Variants in DAPK1 observed in about 807,000 individuals in gnomAD.
The protein encoded by DAPK1 is death-associated protein kinase 1.
In DAPK1, 56 loss-of-function variants were observed where a neutral mutation model predicts 144.9. That is an observed-to-expected ratio of 0.39 (90% CI 0.31 to 0.48). The LOEUF (loss-of-function observed/expected upper bound fraction) is 0.48, where lower values mean the gene tolerates loss of function less well. Ranked by LOEUF, DAPK1 falls within the 20% of genes least tolerant of loss-of-function variation. DAPK1 has a pLI of 0.95. For missense variants in DAPK1, 1,454 were observed against 1,875.4 expected, an observed-to-expected ratio of 0.78 and a Z score of 4.15; for synonymous variants, 690 against 749.0, an observed-to-expected ratio of 0.92 and a Z score of 1.29.
intron 2 of DAPK1, chr9:87,554,505 C>T (rs1346229710): frequency 5.9e-5 from 9 of 152,068 alleles, no homozygotes; most frequent in Non-Finnish European, 1.0e-4. Flanking sequence ...TTTTTACCTC[C>T]GGACATAACA....
chr9:87,517,637 T>G (rs1331096629), intron 2 of DAPK1, among the ~76,000 whole-genome samples: 1 of 152,208 alleles, frequency 6.6e-6, no homozygotes, highest in African/African-American at 2.4e-5. Context: ...AAAGGTAAAC[T>G]GAGGAATTGC....
chr9:87,577,082 A>G (rs895140764), intron 2 of DAPK1, among the ~76,000 whole-genome samples: 1 of 152,162 alleles, frequency 6.6e-6, no homozygotes, highest in Non-Finnish European at 1.5e-5. Context: ...GGAAGAGATA[A>G]TATTCTGGTT....
intron 2 of DAPK1, among the ~76,000 whole-genome samples, chr9:87,527,289 G>A (rs1458859684): frequency 6.6e-6 from 1 of 152,196 alleles, no homozygotes; most frequent in East Asian, 1.9e-4. Flanking sequence ...CAGATCTTCT[G>A]CGCTAGGTTG....
chr9:87,667,562 T>A (rs1022494369), intron 18 of DAPK1, among the ~76,000 whole-genome samples: 1 of 152,194 alleles, frequency 6.6e-6, no homozygotes, highest in Non-Finnish European at 1.5e-5. Flanking sequence ...AGTGTCTGAA[T>A]GGGACCCCAG....
chr9:87,605,917 C>T (rs952849239), intron 3 of DAPK1, among the ~76,000 whole-genome samples: 2 of 152,148 alleles, frequency 1.3e-5, no homozygotes, highest in East Asian at 3.9e-4. Flanking sequence ...CAGCTTGGGG[C>T]GCACATCTGC....
intron 18 of DAPK1, among the ~76,000 whole-genome samples, chr9:87,662,825 T>C (rs1023209205): frequency 6.6e-6 from 1 of 152,034 alleles, no homozygotes; most frequent in Admixed American, 6.5e-5. Flanking sequence ...TCCTCTTGCC[T>C]AGTTGATCTG....
chr9:87,631,899 C>T lies in DAPK1; in HGVS notation c.285-6044C>T, dbSNP rs550618733. ...CATTTAGTTTCAATTATTTTAATTA[C>T]TGAAGATTTTATAAGCAGAGTTCAT... On this transcript the variant is annotated intron_variant, in intron 3 of 25. Transcript: ENST00000408954. Among the ~76,000 whole-genome samples, 8 of 152,220 alleles carry T rather than the reference C, an allele frequency of 5.3e-5. 1 individual carries two copies. Among genetic ancestry groups the T allele is most frequent in the African/African-American group, 1.7e-4 (7 of 41,514 alleles).
intron 2 of DAPK1, among the ~76,000 whole-genome samples, chr9:87,503,265 A>G (rs1022132933): frequency 1.2e-4 from 18 of 149,344 alleles, no homozygotes; most frequent in South Asian, 4.2e-4. Context: ...GTGTATATGT[A>G]TATATATATA....
At chr9:87,581,621 TC>T (rs942586105) in intron 2 of DAPK1, among the ~76,000 whole-genome samples, 2 of 152,112 alleles carry the variant, frequency 1.3e-5, no homozygotes, top group African/African-American at 4.8e-5. Flanking sequence ...ATCTGATTCT[TC>T]CCCCCTAACT....
intron 2 of DAPK1, among the ~76,000 whole-genome samples, chr9:87,550,643 A>G (rs964819037): frequency 6.6e-6 from 1 of 152,234 alleles, no homozygotes; most frequent in Non-Finnish European, 1.5e-5. Flanking sequence ...TACAATGACC[A>G]TATTTCCAAA....
At chr9:87,586,203 A>G (rs887664490) in intron 2 of DAPK1, among the ~76,000 whole-genome samples, 1 of 152,142 alleles carries the variant, frequency 6.6e-6, no homozygotes, top group African/African-American at 2.4e-5. Context: ...TGGGAGGATT[A>G]CTTGAGCCCA....
At chr9:87,521,914 T>C (rs946026554) in intron 2 of DAPK1, among the ~76,000 whole-genome samples, 1 of 152,194 alleles carries the variant, frequency 6.6e-6, no homozygotes, top group African/African-American at 2.4e-5. Context: ...GCTAATGGAT[T>C]AATGCGTTAT....
At chr9:87,635,201 A>G (rs1829848218) in intron 3 of DAPK1, among the ~76,000 whole-genome samples, 1 of 152,204 alleles carries the variant, frequency 6.6e-6, no homozygotes, top group African/African-American at 2.4e-5. Context: ...AAGAGCGGGC[A>G]AAGCCTGAGG....
At chr9:87,675,937 C>T (rs1035564640) in intron 19 of DAPK1, among the ~76,000 whole-genome samples, 2 of 149,808 alleles carry the variant, frequency 1.3e-5, no homozygotes, top group African/African-American at 5.0e-5. Flanking sequence ...GAATTCTGCG[C>T]TCCTTGGAGT....
intron 3 of DAPK1, among the ~76,000 whole-genome samples, chr9:87,626,074 T>C (rs1829479616): frequency 6.6e-6 from 1 of 152,230 alleles, no homozygotes; most frequent in Admixed American, 6.5e-5. Flanking sequence ...GAGTGTATGA[T>C]AAAACATTGG....
intron 2 of DAPK1, among the ~76,000 whole-genome samples, chr9:87,541,030 T>C: frequency 6.6e-6 from 1 of 152,238 alleles, no homozygotes; most frequent in East Asian, 1.9e-4. Context: ...TATCACATTT[T>C]TATGAAAATA....
chr9:87,651,521 T>G lies in DAPK1; in HGVS notation c.1627-6T>G. 1 of 1,614,116 alleles carries G rather than the reference T, an allele frequency of 6.2e-7. No individual in the cohort carries two copies. The highest frequency in any genetic ancestry group is 8.5e-7 in the Non-Finnish European group (1 of 1,179,982). On this transcript the variant is annotated splice_polypyrimidine_tract_variant and splice_region_variant and intron_variant, in intron 16 of 25. Coordinates refer to ENST00000408954, the MANE Select transcript of DAPK1 (RefSeq NM_004938.4). The stretch of plus-strand genomic sequence containing the variant: ...AGCTCTCATGATCTCTGGGGTTTGT[T>G]TCCAGGACGGACACATTGCCCTTCA...
chr9:87,707,276 A>G lies in DAPK1; in HGVS notation c.4205A>G (p.Asn1402Ser). Reference sequence around the variant, plus strand: ...AAGGCATCCTCTGTGTTCAAAATCAACCTGGATGGCAATGGCCAGGAGGCC... The same window carrying G: ...AAGGCATCCTCTGTGTTCAAAATCAGCCTGGATGGCAATGGCCAGGAGGCC... ...LLKASSVFKI[N>S]LDGNGQEAYA... The change falls in exon 26 of 26, where the codon AAC becomes AGC. Residue 1402 changes from asparagine (N) to serine (S), a missense_variant. Coordinates refer to ENST00000408954, the MANE Select transcript of DAPK1 (RefSeq NM_004938.4). This position sits in a 1 kb window ranked among gnomAD's most constrained non-coding sequence, Gnocchi z 4.0. The G allele has an allele frequency of 1.2e-6, 2 of 1,614,050 alleles. No individual in the cohort carries two copies. Among genetic ancestry groups the G allele is most frequent in the Middle Eastern group, 1.6e-4 (1 of 6,062 alleles).
At chr9:87,510,663 T>C (rs538623354) in intron 2 of DAPK1, among the ~76,000 whole-genome samples, 153 of 152,348 alleles carry the variant, frequency 1.0e-3, no homozygotes, top group African/African-American at 3.6e-3. Context: ...CTGGTGTTGG[T>C]TGGAATTCAG....
Sources: gnomAD v4.1 joint callset for allele counts (sites outside exome capture counted in the v4.1 genomes callset) on GRCh38, gnomAD v4.1.1 for gene constraint, Gnocchi (gnomAD v3.1) non-coding constraint, MANE v1.5 for transcripts, NCBI Gene and HGNC (gene_info 2026-07-23, HGNC 2026-07-21) for gene names.